Variants in ABLIM2 observed in about 807,000 individuals in gnomAD.
The protein encoded by ABLIM2 is actin binding LIM protein family member 2.
Under a neutral mutation model 97.7 loss-of-function variants are expected in ABLIM2, and 53 were observed. That is an observed-to-expected ratio of 0.54 (90% CI 0.44 to 0.68). ABLIM2 has a LOEUF of 0.68. ABLIM2 is among the 30% of genes least tolerant of loss of function. The pLI, the probability that ABLIM2 is intolerant of heterozygous loss-of-function variation, is 0.00. For synonymous variants in ABLIM2, 361 were observed against 345.8 expected (o/e 1.04, Z -0.49); for missense variants, 835 against 867.2 (o/e 0.96, Z 0.47).
rs1782454985 is a variant in ABLIM2, at chr4:8,033,715, G to C, written c.1047+2434C>G. Among the ~76,000 whole-genome samples the C allele has an allele frequency of 6.6e-6, 1 of 152,204 alleles. No individual in the cohort carries two copies. The highest frequency in any genetic ancestry group is 2.4e-5 in the African/African-American group (1 of 41,470). On this transcript the variant is annotated intron_variant, in intron 10 of 20. Transcript: ENST00000447017. The surrounding 1 kb of genome is among the most constrained non-coding windows in gnomAD (Gnocchi z 4.5). ...TCTGCCCTCTGGGGACAGGTCCTGG[G>C]GTCAGGATCATCCATGGTTCACAGA...
chr4:8,073,921 T>C (rs1814084124), intron 6 of ABLIM2, among the ~76,000 whole-genome samples: 1 of 150,944 alleles, frequency 6.6e-6, no homozygotes, highest in Non-Finnish European at 1.5e-5. Context: ...ATTCTATCTC[T>C]ACCAAAAATA....
intron 10 of ABLIM2, among the ~76,000 whole-genome samples, chr4:8,031,462 A>G (rs1319230620): frequency 6.6e-6 from 1 of 152,198 alleles, no homozygotes; most frequent in Non-Finnish European, 1.5e-5. Flanking sequence ...GGTACATAGG[A>G]ATCACTGCTC....
intron 1 of ABLIM2, among the ~76,000 whole-genome samples, chr4:8,116,655 A>C (rs968799949): frequency 6.6e-6 from 1 of 152,208 alleles, no homozygotes; most frequent in African/African-American, 2.4e-5. Flanking sequence ...AAGTGTTACA[A>C]AATCCTCAGT....
Position 8,147,687 on chromosome 4 carries a change from G to A in ABLIM2, c.10+10993C>T, listed in dbSNP as rs558701653. Among the ~76,000 whole-genome samples the A allele has an allele frequency of 1.3e-4, 20 of 152,224 alleles. No individual in the cohort carries two copies. The highest frequency in any genetic ancestry group is 4.6e-4 in the African/African-American group (19 of 41,454). On this transcript the variant is annotated intron_variant, in intron 1 of 20. Coordinates refer to ENST00000447017, the MANE Select transcript of ABLIM2 (RefSeq NM_001130083.2). This position sits in a 1 kb window ranked among gnomAD's most constrained non-coding sequence, Gnocchi z 5.3. ...TCTGGCAGCCACCAAAGCTGCAGGG[G>A]TGAGGACTGAGCCTCCCCTGAGCCC...
In ABLIM2 at chr4:7,983,289, T is replaced by G; in HGVS notation, c.1799A>C (p.Lys600Thr). 1 of 1,612,048 alleles carries G rather than the reference T, an allele frequency of 6.2e-7. No individual in the cohort carries two copies. Among genetic ancestry groups the G allele is most frequent in the East Asian group, 2.2e-5 (1 of 44,830 alleles). ...VTNRIRVKLPKDVDRTRLERH... is the reference protein window; with the variant it reads ...VTNRIRVKLPTDVDRTRLERH... Reference sequence around the variant, plus strand: ...CTCCAGTCTCGTCCGGTCCACGTCTTTGGGCAGTTTCACGCGAATTCGGTT... The same window carrying G: ...CTCCAGTCTCGTCCGGTCCACGTCTGTGGGCAGTTTCACGCGAATTCGGTT... Residue 600 changes from lysine to threonine, a missense_variant, in exon 20 of 21, where the codon AAA becomes ACA. Physicochemically the swap from Lys to Thr is moderately conservative, Grantham distance 78. Coordinates refer to ENST00000447017, the MANE Select transcript of ABLIM2 (RefSeq NM_001130083.2).
chr4:8,142,014 G>C (rs1851063096), intron 1 of ABLIM2, among the ~76,000 whole-genome samples: 3 of 152,206 alleles, frequency 2.0e-5, no homozygotes, highest in Admixed American at 2.0e-4. Flanking sequence ...GTCATCCTGG[G>C]GCCAGCGGGG....
At chr4:8,108,713 TG>T (rs1340077430) in intron 1 of ABLIM2, among the ~76,000 whole-genome samples, 3 of 152,222 alleles carry the variant, frequency 2.0e-5, no homozygotes, top group African/African-American at 7.2e-5. Context: ...ACAGCCTCCA[TG>T]GGGGCTCACC....
intron 3 of ABLIM2, 111 bp from the exon 4 acceptor site, chr4:8,088,395 G>C (rs1825232598): frequency 1.2e-6 from 1 of 804,394 alleles, no homozygotes; most frequent in Non-Finnish European, 2.0e-6. Context: ...ATCTTGCAAA[G>C]GTACCACTCA....
In ABLIM2 at chr4:8,044,132, C is replaced by T. The variant is rs1340422326; in HGVS notation, c.900+1032G>A. Among the ~76,000 whole-genome samples, 1 of 152,194 alleles carries T rather than the reference C, an allele frequency of 6.6e-6. No individual in the cohort carries two copies. Among genetic ancestry groups the T allele is most frequent in the East Asian group, 1.9e-4 (1 of 5,194 alleles). ...GAGGGTCGAAAAGAAGCACAGCAGA[C>T]AGCAGATCCAATAAACTGTCTTAAA... On this transcript the variant is annotated intron_variant, in intron 9 of 20. Coordinates refer to ENST00000447017, the MANE Select transcript of ABLIM2 (RefSeq NM_001130083.2). This position sits in a 1 kb window ranked among gnomAD's most constrained non-coding sequence, Gnocchi z 4.4.
At chr4:8,048,292 CAT>C (rs1179640263) in intron 8 of ABLIM2, among the ~76,000 whole-genome samples, 1 of 152,200 alleles carries the variant, frequency 6.6e-6, no homozygotes, top group Non-Finnish European at 1.5e-5. Context: ...ACTCAATATC[CAT>C]ATGTTCTCCC....
intron 20 of ABLIM2, among the ~76,000 whole-genome samples, chr4:7,978,764 C>G (rs896783891): frequency 6.6e-6 from 1 of 152,188 alleles, no homozygotes; most frequent in South Asian, 2.1e-4. Flanking sequence ...GGGACCTGAC[C>G]ACAGAACTCA....
chr4:8,003,569 T>TA lies in ABLIM2; in HGVS notation c.1618+4489_1618+4490insT, dbSNP rs1758808754. On this transcript the variant is annotated intron_variant, in intron 16 of 20. Coordinates refer to ENST00000447017, the MANE Select transcript of ABLIM2 (RefSeq NM_001130083.2). This position sits in a 1 kb window ranked among gnomAD's most constrained non-coding sequence, Gnocchi z 4.2. ...GCTCTTCTTCCAGTTTTCTTTTTTTTTTTTTTTTTTTTTGGAGATGGAGTC... is the reference window on the plus strand; with the variant it reads ...GCTCTTCTTCCAGTTTTCTTTTTTTTATTTTTTTTTTTTTGGAGATGGAGTC... Among the ~76,000 whole-genome samples, 2 of 146,244 alleles carry TA rather than the reference T, an allele frequency of 1.4e-5. No individual in the cohort carries two copies. The highest frequency in any genetic ancestry group is 3.0e-5 in the Non-Finnish European group (2 of 67,316).
chr4:8,083,328 T>G lies in ABLIM2; in HGVS notation c.455-2526A>C, dbSNP rs1480338031. Among the ~76,000 whole-genome samples, 1 of 152,316 alleles carries G rather than the reference T, an allele frequency of 6.6e-6. No individual in the cohort carries two copies. Among genetic ancestry groups the G allele is most frequent in the Non-Finnish European group, 1.5e-5 (1 of 68,020 alleles). Reference sequence around the variant, plus strand: ...AGGGCACGTGTGATCCGTGAATAAATGCACACACGTTGACCGGTGAGGTGG... The same window carrying G: ...AGGGCACGTGTGATCCGTGAATAAAGGCACACACGTTGACCGGTGAGGTGG... On this transcript the variant is annotated intron_variant, in intron 4 of 20. Coordinates refer to ENST00000447017, the MANE Select transcript of ABLIM2 (RefSeq NM_001130083.2). The surrounding 1 kb of genome is among the most constrained non-coding windows in gnomAD (Gnocchi z 4.6).
rs1271214549 is a variant in ABLIM2 at position 8,019,872 on chromosome 4, G to A, written c.1370-201C>T. 6.6e-6 allele frequency among the ~76,000 whole-genome samples: 1 copy of A among 152,176 alleles called. No individual in the cohort carries two copies. The highest frequency in any genetic ancestry group is 1.5e-5 in the Non-Finnish European group (1 of 68,032). ...ACTCCAGATGCCACCCTCATCTGCAGGAGATGGGGCAGCAGCCAGGAACCT... is the reference window on the plus strand; with the variant it reads ...ACTCCAGATGCCACCCTCATCTGCAAGAGATGGGGCAGCAGCCAGGAACCT... On this transcript the variant is annotated intron_variant, in intron 13 of 20. Transcript: ENST00000447017. This position sits in a 1 kb window ranked among gnomAD's most constrained non-coding sequence, Gnocchi z 4.3.
intron 7 of ABLIM2, among the ~76,000 whole-genome samples, chr4:8,056,402 G>T (rs187760639): frequency 1.9e-4 from 29 of 149,436 alleles, no homozygotes; most frequent in African/African-American, 6.6e-4. Context: ...TTGGTCTCAA[G>T]CAATCCTCCT....
chr4:8,117,946 A>T (rs1843521197), intron 1 of ABLIM2, among the ~76,000 whole-genome samples: 2 of 152,240 alleles, frequency 1.3e-5, no homozygotes. Flanking sequence ...ATCAAGCCCC[A>T]CATTCTCTGG....
chr4:8,074,444 C>T (rs1186285684), intron 6 of ABLIM2, among the ~76,000 whole-genome samples: 1 of 151,998 alleles, frequency 6.6e-6, no homozygotes, highest in African/African-American at 2.4e-5. Context: ...AGAGCAAGAC[C>T]CCATCTCTAA....
chr4:8,107,322 C>G (rs967354152), intron 1 of ABLIM2, among the ~76,000 whole-genome samples: 12 of 152,382 alleles, frequency 7.9e-5, no homozygotes, highest in African/African-American at 2.9e-4. Flanking sequence ...CCCATCTTCC[C>G]AAAGCATCTG....
At position 8,032,610 on chromosome 4, in the gene ABLIM2, C is replaced by A. The variant is rs1225475226; in HGVS notation, c.1048-2834G>T. On this transcript the variant is annotated intron_variant, in intron 10 of 20. Coordinates refer to ENST00000447017, the MANE Select transcript of ABLIM2 (RefSeq NM_001130083.2). The surrounding 1 kb of genome is among the most constrained non-coding windows in gnomAD (Gnocchi z 4.3). ...TATGTTTATAACCCAGGCAGCAGCG[C>A]CACGGCAAGCGGGGACAGGCGAGAG... 3.7e-6 allele frequency: 6 copies of A among 1,612,028 alleles called. No homozygotes were observed. The highest frequency in any genetic ancestry group is 5.1e-6 in the Non-Finnish European group (6 of 1,179,688).
Sources: allele counts gnomAD v4.1 joint callset (sites outside exome capture counted in the v4.1 genomes callset), GRCh38; gene constraint gnomAD v4.1.1; non-coding constraint Gnocchi (gnomAD v3.1); transcripts MANE v1.5; gene names NCBI Gene and HGNC (gene_info 2026-07-23, HGNC 2026-07-21).